CHD5: variants seen among roughly 807,000 people sequenced by gnomAD.
CHD5 encodes ATP-dependent chromatin remodeler CHD5.
Under a neutral mutation model 230.3 loss-of-function variants are expected in CHD5, and 69 were observed. That is an observed-to-expected ratio of 0.30 (90% CI 0.25 to 0.37). The LOEUF (loss-of-function observed/expected upper bound fraction) is 0.37, where lower values mean the gene tolerates loss of function less well. CHD5 is among the 10% of genes least tolerant of loss of function. The pLI, the probability that CHD5 is intolerant of heterozygous loss-of-function variation, is 1.00. For missense variants in CHD5, 1,827 were observed against 2,622.8 expected, an observed-to-expected ratio of 0.70 and a Z score of 6.63; for synonymous variants, 1,064 against 1,065.9, an observed-to-expected ratio of 1.00 and a Z score of 0.03.
Position 6,105,240 on chromosome 1 carries a change from C to T in CHD5, c.*234G>A, listed in dbSNP as rs1223038254. Reference sequence around the variant, plus strand: ...GTCCGGCGTGGTTGTGGGGGCAACGCTGTGTGGAAGAACACTTGAATTATG... The same window carrying T: ...GTCCGGCGTGGTTGTGGGGGCAACGTTGTGTGGAAGAACACTTGAATTATG... On this transcript the variant is annotated 3_prime_UTR_variant, in exon 42 of 42. Transcript: ENST00000262450. The surrounding 1 kb of genome is among the most constrained non-coding windows in gnomAD (Gnocchi z 4.8). 3 of 363,144 alleles carry T rather than the reference C, an allele frequency of 8.3e-6. No homozygotes were observed. The highest frequency in any genetic ancestry group is 1.6e-4 in the East Asian group (2 of 12,566). The allele number at this position is 363,144 out of a possible 1,614,324, so 22.5% of individuals were successfully genotyped here.
In CHD5 at chr1:6,146,163, C is replaced by T. The variant is rs903443107; in HGVS notation, c.1802+49G>A. 1.8e-5 allele frequency: 29 copies of T among 1,582,262 alleles called. No individual in the cohort carries two copies. Among genetic ancestry groups the T allele is most frequent in the African/African-American group, 9.4e-5 (7 of 74,388 alleles). On this transcript the variant is annotated intron_variant, in intron 11 of 41. Coordinates refer to ENST00000262450, the MANE Select transcript of CHD5 (RefSeq NM_015557.3). This position sits in a 1 kb window ranked among gnomAD's most constrained non-coding sequence, Gnocchi z 5.1. The stretch of plus-strand genomic sequence containing the variant: ...CCATTTTACAGGGCAAAGAAGCTGA[C>T]GTGGCCCGGCCCCAGCGATGGGCAG...
Position 6,154,510 on chromosome 1 carries a change from GGCAA to G in CHD5, c.745+146_745+149del. The G allele has an allele frequency of 1.7e-6, 1 of 605,304 alleles. No homozygotes were observed. The highest frequency in any genetic ancestry group is 3.7e-5 in the Admixed American group (1 of 26,982). 37.5% of individuals were successfully genotyped at this position (605,304 alleles called of 1,614,324 possible). On this transcript the variant is annotated intron_variant, in intron 5 of 41. Coordinates refer to ENST00000262450, the MANE Select transcript of CHD5 (RefSeq NM_015557.3). The surrounding 1 kb of genome is among the most constrained non-coding windows in gnomAD (Gnocchi z 7.0). ...CTGCCTCACTGCTGAGAAAGGACCG[GGCAA>G]TCCAAGGTCACACAGGCACAGAGCC...
chr1:6,125,802 C>T lies in CHD5; in HGVS notation c.4135G>A (p.Glu1379Lys). The T allele has an allele frequency of 6.2e-7, 1 of 1,613,874 alleles. No individual in the cohort carries two copies. Among genetic ancestry groups the T allele is most frequent in the Non-Finnish European group, 8.5e-7 (1 of 1,179,948 alleles). ...GGCCTCTCTTCAAAGTCCTCATCCTCATCCTCAGAGCCAATGGAATATTCT... is the reference window on the plus strand; with the variant it reads ...GGCCTCTCTTCAAAGTCCTCATCCTTATCCTCAGAGCCAATGGAATATTCT... ...QSEYSIGSED[E>K]DEDFEERPEG... Residue 1379 changes from glutamate (E) to lysine (K), a missense_variant, in exon 27 of 42, where the codon GAG becomes AAG. Glu to Lys is a moderately conservative substitution (Grantham distance 56). This residue lies in a region of CHD5 where 137 missense variants were observed against 272.7 expected (regional missense o/e 0.50). Transcript: ENST00000262450. This position sits in a 1 kb window ranked among gnomAD's most constrained non-coding sequence, Gnocchi z 6.7.
chr1:6,112,150 C>G lies in CHD5; in HGVS notation c.5130G>C (p.Gly1710=). ...KFKFMFNIAD[G]GFTELHTLWQ... is the part of the protein sequence containing the mutation. ...CCCCAACCCCAATACCCGTGAAGCC[C>G]CCGTCCGCGATGTTGAACATGAACT... Residue 1710 remains glycine, a synonymous_variant, in exon 35 of 42, where the codon GGG becomes GGC. Coordinates refer to ENST00000262450, the MANE Select transcript of CHD5 (RefSeq NM_015557.3). The G allele has an allele frequency of 6.2e-7, 1 of 1,613,892 alleles. No homozygotes were observed. The highest frequency in any genetic ancestry group is 8.5e-7 in the Non-Finnish European group (1 of 1,179,832).
At position 6,121,325 on chromosome 1, in the gene CHD5, T is replaced by C. The variant is rs1317741937; in HGVS notation, c.4780-88A>G. On this transcript the variant is annotated intron_variant, in intron 32 of 41. Coordinates refer to ENST00000262450, the MANE Select transcript of CHD5 (RefSeq NM_015557.3). The surrounding 1 kb of genome is among the most constrained non-coding windows in gnomAD (Gnocchi z 4.5). Reference sequence around the variant, plus strand: ...AACGTGCGCTGGGCTGGGAACCCAGTCTCCTGGCTCCCGTCGCTTGCTCCT... The same window carrying C: ...AACGTGCGCTGGGCTGGGAACCCAGCCTCCTGGCTCCCGTCGCTTGCTCCT... 116 of 1,548,588 alleles carry C rather than the reference T, an allele frequency of 7.5e-5. No individual in the cohort carries two copies. Among genetic ancestry groups the C allele is most frequent in the Non-Finnish European group, 9.5e-5 (108 of 1,140,756 alleles).
Position 6,175,367 on chromosome 1 carries a change from C to A in CHD5, c.79+4578G>T, listed in dbSNP as rs1267860992. Among the ~76,000 whole-genome samples the A allele has an allele frequency of 1.1e-4, 10 of 87,298 alleles. No homozygotes were observed. In the East Asian group the frequency reaches 1.9e-3, roughly 16 times the overall value. 57.3% of individuals were successfully genotyped at this position (87,298 alleles called of 152,430 possible). A position where few individuals can be genotyped will look rare whatever the true frequency, so the allele number is the denominator to read the frequency against. ...TGGATGAGTGGATGGTGGATGGATG[C>A]ATGGATGGATGGTGGATGGATGCAT... On this transcript the variant is annotated intron_variant, in intron 1 of 41. Transcript: ENST00000262450.
Position 6,179,587 on chromosome 1 carries a change from G to A in CHD5, c.79+358C>T, listed in dbSNP as rs1024629812. The stretch of plus-strand genomic sequence containing the variant: ...CGCGAGCGCGGGGTGCGCCGCTCCG[G>A]GAGCTAGCGCGATTCCCGCCCCCTT... On this transcript the variant is annotated intron_variant, in intron 1 of 41. Transcript: ENST00000262450. Among the ~76,000 whole-genome samples the A allele has an allele frequency of 7.5e-4, 114 of 151,182 alleles. 1 individual carries two copies. Among genetic ancestry groups the A allele is most frequent in the Non-Finnish European group, 9.3e-4 (63 of 67,610 alleles).
At chr1:6,141,009 C>T (rs528046415) in intron 15 of CHD5, among the ~76,000 whole-genome samples, 2 of 119,908 alleles carry the variant, frequency 1.7e-5, no homozygotes, top group African/African-American at 3.3e-5. Flanking sequence ...ATAGGCTGAG[C>T]GTGGTGGCTC....
At position 6,134,027 on chromosome 1, in the gene CHD5, G is replaced by A. The variant is rs1411218168; in HGVS notation, c.3144+101C>T. 4 of 1,177,830 alleles carry A rather than the reference G, an allele frequency of 3.4e-6. No individual in the cohort carries two copies. Among genetic ancestry groups the A allele is most frequent in the Non-Finnish European group, 4.8e-6 (4 of 825,370 alleles). The allele number at this position is 1,177,830 out of a possible 1,614,324, so 73.0% of individuals were successfully genotyped here. ...ACATGACCCACATGGGAACGGCACT[G>A]GGCCCTGAGGGGTGCCAGCAAGTTT... On this transcript the variant is annotated intron_variant, in intron 20 of 41. Coordinates refer to ENST00000262450, the MANE Select transcript of CHD5 (RefSeq NM_015557.3). This position sits in a 1 kb window ranked among gnomAD's most constrained non-coding sequence, Gnocchi z 6.3.
At chr1:6,124,220 G>C in intron 30 of CHD5, 113 bp from the exon 31 acceptor site, 1 of 1,075,458 alleles carries the variant, frequency 9.3e-7, no homozygotes, top group Admixed American at 2.6e-5. Context: ...GCTTGGGGTA[G>C]CTGCTACCTC....
intron 36 of CHD5, among the ~76,000 whole-genome samples, chr1:6,110,787 G>A (rs182769723): frequency 6.6e-5 from 10 of 152,318 alleles, no homozygotes; most frequent in African/African-American, 2.2e-4. Flanking sequence ...CCAACAACCT[G>A]GGGTGCATAC....
At position 6,131,688 on chromosome 1, in the gene CHD5, G is replaced by A; in HGVS notation, c.3205C>T (p.Arg1069Trp). ...CCCCCGGTGATGCCACCATCAATCCGCTCATACTTGTAGCCTTCGTACTCC... is the reference window on the plus strand; with the variant it reads ...CCCCCGGTGATGCCACCATCAATCCACTCATACTTGTAGCCTTCGTACTCC... The part of the protein sequence containing the change: ...FLEYEGYKYE[R>W]IDGGITGGLR... Residue 1069 changes from arginine (R) to tryptophan (W), a missense_variant, in exon 21 of 42, where the codon CGG becomes TGG. By Grantham distance (101) the Arg-to-Trp change is moderately radical. Around this residue, in one of 14 missense-constraint regions of CHD5, gnomAD observed 81 missense variants for 245.4 expected, o/e 0.33. Transcript: ENST00000262450. The surrounding 1 kb of genome is among the most constrained non-coding windows in gnomAD (Gnocchi z 5.0). 1.2e-6 allele frequency: 2 copies of A among 1,613,544 alleles called. No individual in the cohort carries two copies. The highest frequency in any genetic ancestry group is 1.7e-6 in the Non-Finnish European group (2 of 1,179,534).
At chr1:6,143,425 G>A (rs1020668409) in intron 13 of CHD5, among the ~76,000 whole-genome samples, 3 of 152,052 alleles carry the variant, frequency 2.0e-5, no homozygotes, top group African/African-American at 4.8e-5. Flanking sequence ...TCTGACAGGC[G>A]CCTGATAGTC....
At chr1:6,153,336 C>T (rs1030028461) in intron 5 of CHD5, among the ~76,000 whole-genome samples, 15 of 152,320 alleles carry the variant, frequency 9.8e-5, no homozygotes, top group Non-Finnish European at 1.8e-4. Context: ...CAGACAGGGG[C>T]GGGCCAGGAG....
chr1:6,106,312 G>A, intron 40 of CHD5, 25 bp from the exon 41 acceptor site: 1 of 1,612,802 alleles, frequency 6.2e-7, no homozygotes, highest in Non-Finnish European at 8.5e-7. Context: ...GGAGAGCCGG[G>A]CTTGCCTGAC....
chr1:6,112,005 G>T, intron 35 of CHD5, 122 bp from the exon 36 acceptor site: 1 of 1,381,926 alleles, frequency 7.2e-7, no homozygotes, highest in Non-Finnish European at 1.0e-6. Flanking sequence ...CAGTGTTCCA[G>T]GGTGGCTAAG....
intron 15 of CHD5, among the ~76,000 whole-genome samples, chr1:6,140,632 G>A (rs778292618): frequency 5.9e-5 from 9 of 152,182 alleles, no homozygotes; most frequent in Non-Finnish European, 1.2e-4. Flanking sequence ...CACAGCTGGT[G>A]CACTGCATTG....
chr1:6,159,233 A>G lies in CHD5; in HGVS notation c.387+103T>C. 3 of 1,034,436 alleles carry G rather than the reference A, an allele frequency of 2.9e-6. No homozygotes were observed. In the South Asian group the frequency reaches 7.4e-5, roughly 26 times the overall value. The allele number at this position is 1,034,436 out of a possible 1,614,324, so 64.1% of individuals were successfully genotyped here. A position where few individuals can be genotyped will look rare whatever the true frequency, so the allele number is the denominator to read the frequency against. On this transcript the variant is annotated intron_variant, in intron 3 of 41. Transcript: ENST00000262450. ...GCAACAGAGTGAGACTCCATCACACACACACACACACACACACACACACAC... is the reference window on the plus strand; with the variant it reads ...GCAACAGAGTGAGACTCCATCACACGCACACACACACACACACACACACAC...
chr1:6,147,948 C>G (rs1285946695), intron 9 of CHD5, among the ~76,000 whole-genome samples: 1 of 152,032 alleles, frequency 6.6e-6, no homozygotes, highest in South Asian at 2.1e-4. Context: ...CCTCCTACCC[C>G]CATCCCAGCC....
Sources: allele counts gnomAD v4.1 joint callset (sites outside exome capture counted in the v4.1 genomes callset), GRCh38; gene constraint gnomAD v4.1.1; regional missense constraint gnomAD v4.1.1; non-coding constraint Gnocchi (gnomAD v3.1); transcripts MANE v1.5; gene names NCBI Gene and HGNC (gene_info 2026-07-23, HGNC 2026-07-21).